Variants in NR3C2 observed in about 807,000 individuals in gnomAD.
NR3C2 encodes the protein mineralocorticoid receptor.
In NR3C2, 15 loss-of-function variants were observed where a neutral mutation model predicts 86.4. The ratio of observed to expected loss-of-function variants is 0.17; its 90% CI spans 0.12 to 0.27. The LOEUF (loss-of-function observed/expected upper bound fraction) is 0.27, where lower values mean the gene tolerates loss of function less well. Among genes scored for constraint, NR3C2 ranks in the 10% least tolerant of loss-of-function variants. The pLI is 1.00. For synonymous variants in NR3C2, 458 were observed against 450.5 expected (o/e 1.02, Z -0.21); for missense variants, 960 against 1,195.6 (o/e 0.80, Z 2.91).
chr4:148,393,048 C>T (rs1747672170), intron 2 of NR3C2, among the ~76,000 whole-genome samples: 1 of 152,076 alleles, frequency 6.6e-6, no homozygotes, highest in African/African-American at 2.4e-5. Flanking sequence ...GTAATAAATG[C>T]TGAAGTTTTG....
In NR3C2 at chr4:148,081,028, T is replaced by TAAAACTTCTTCCATCTGTGAAA. The variant is rs577532367; in HGVS notation, c.*294_*315dup. The TAAAACTTCTTCCATCTGTGAAA allele has an allele frequency of 2.0e-4, 79 of 399,718 alleles. 1 individual carries two copies. The East Asian group carries it at 4.3e-3, about 22-fold the overall frequency. 24.8% of individuals were successfully genotyped at this position (399,718 alleles called of 1,614,324 possible). A position where few individuals can be genotyped will look rare whatever the true frequency, so the allele number is the denominator to read the frequency against. ...GATACCAGAAACTACACGGCATAGT[T>TAAAACTTCTTCCATCTGTGAAA]AAAACTTCTTCCATCTGTGAAAATA... On this transcript the variant is annotated 3_prime_UTR_variant, in exon 9 of 9. Transcript: ENST00000358102.
At chr4:148,225,152 G>T (rs752881777) in intron 3 of NR3C2, among the ~76,000 whole-genome samples, 15 of 152,090 alleles carry the variant, frequency 9.9e-5, no homozygotes. Context: ...AGGCCTCCTG[G>T]CTTAACTAGA....
intron 2 of NR3C2, among the ~76,000 whole-genome samples, chr4:148,278,403 A>AATC (rs1439585895): frequency 4.6e-5 from 7 of 152,082 alleles, no homozygotes; most frequent in African/African-American, 1.7e-4. Flanking sequence ...CCCAGCCCAG[A>AATC]ATCACGTTTT....
chr4:148,149,805 T>G (rs1018750370), intron 6 of NR3C2, among the ~76,000 whole-genome samples: 15 of 152,198 alleles, frequency 9.9e-5, no homozygotes, highest in Admixed American at 7.9e-4. Flanking sequence ...TATGAAAACA[T>G]GTCCAACATC....
chr4:148,352,499 C>A (rs955710063), intron 2 of NR3C2, among the ~76,000 whole-genome samples: 2 of 151,944 alleles, frequency 1.3e-5, no homozygotes, highest in African/African-American at 4.8e-5. Context: ...TGCAAACTCA[C>A]CGCAGGCTGC....
intron 2 of NR3C2, among the ~76,000 whole-genome samples, chr4:148,338,342 T>C (rs1744591499): frequency 6.6e-6 from 1 of 152,164 alleles, no homozygotes. Context: ...AGACAGATAA[T>C]CAATGGTAAA....
intron 2 of NR3C2, among the ~76,000 whole-genome samples, chr4:148,350,050 T>A (rs1222798814): frequency 6.6e-6 from 1 of 152,194 alleles, no homozygotes; most frequent in Non-Finnish European, 1.5e-5. Flanking sequence ...AAACAAATGG[T>A]GCTTAGAAAG....
chr4:148,439,406 C>T (rs573045494), intron 1 of NR3C2, among the ~76,000 whole-genome samples: 18 of 152,248 alleles, frequency 1.2e-4, no homozygotes, highest in East Asian at 3.9e-4. Context: ...AATTCACATT[C>T]GCTCTCTTGG....
At chr4:148,443,346 G>T (rs1049454177), upstream of NR3C2, among the ~76,000 whole-genome samples, 13 of 144,214 alleles carry the variant, frequency 9.0e-5, no homozygotes, top group African/African-American at 3.1e-4. Flanking sequence ...TACTACTTTA[G>T]TATTGGATTT....
At chr4:148,111,577 A>C (rs555293072) in intron 8 of NR3C2, among the ~76,000 whole-genome samples, 1 of 152,366 alleles carries the variant, frequency 6.6e-6, no homozygotes, top group East Asian at 1.9e-4. Context: ...AACAACCCAA[A>C]CAACCATCAA....
rs1560909481 is a variant in NR3C2, at chr4:148,080,876, ATTTTTTTGTG to A, written c.*458_*467del. The A allele has an allele frequency of 2.8e-6, 1 of 363,338 alleles. No individual in the cohort carries two copies. The highest frequency in any genetic ancestry group is 3.4e-5 in the Admixed American group (1 of 29,140). 22.5% of individuals were successfully genotyped at this position (363,338 alleles called of 1,614,324 possible). A position where few individuals can be genotyped will look rare whatever the true frequency, so the allele number is the denominator to read the frequency against. ...AGGAATCTGTATATATTTTTTTATT[ATTTTTTTGTG>A]TTTTTTTAATAACAAAAGAATATTA... On this transcript the variant is annotated 3_prime_UTR_variant, in exon 9 of 9. Coordinates refer to ENST00000358102, the MANE Select transcript of NR3C2 (RefSeq NM_000901.5).
At chr4:148,270,403 TC>T (rs890108219) in intron 2 of NR3C2, among the ~76,000 whole-genome samples, 2 of 152,154 alleles carry the variant, frequency 1.3e-5, no homozygotes, top group Admixed American at 6.5e-5. Context: ...TAAAAGGATA[TC>T]TTTTATTATT....
At chr4:148,385,107 C>T (rs1208330778) in intron 2 of NR3C2, among the ~76,000 whole-genome samples, 1 of 152,162 alleles carries the variant, frequency 6.6e-6, no homozygotes, top group African/African-American at 2.4e-5. Context: ...AGCATCATGG[C>T]TAAGGAGATC....
chr4:148,324,383 G>A (rs1276069614), intron 2 of NR3C2, among the ~76,000 whole-genome samples: 1 of 150,390 alleles, frequency 6.6e-6, no homozygotes, highest in Non-Finnish European at 1.5e-5. Context: ...GTGTGTTCCT[G>A]TGTGTATGTG....
At chr4:148,188,131 T>A (rs1432683164) in intron 4 of NR3C2, among the ~76,000 whole-genome samples, 1 of 152,234 alleles carries the variant, frequency 6.6e-6, no homozygotes, top group Non-Finnish European at 1.5e-5. Flanking sequence ...TACAGTATAG[T>A]TTGAAATCAG....
chr4:148,155,744 G>A (rs7438145), intron 4 of NR3C2, among the ~76,000 whole-genome samples: 55,512 of 145,840 alleles, frequency 0.38, 10,871 homozygotes, highest in East Asian at 0.5. Context: ...CTTTCTTCAC[G>A]GAATTGGAAA....
chr4:148,325,572 G>A (rs1206845770), intron 2 of NR3C2, among the ~76,000 whole-genome samples: 1 of 152,124 alleles, frequency 6.6e-6, no homozygotes, highest in East Asian at 1.9e-4. Flanking sequence ...TGACAGTAGA[G>A]GTATTTCATA....
At chr4:148,411,561 T>C (rs1024638490) in intron 2 of NR3C2, among the ~76,000 whole-genome samples, 3 of 152,220 alleles carry the variant, frequency 2.0e-5, no homozygotes, top group Non-Finnish European at 2.9e-5. Context: ...TATGTGGTTT[T>C]AGATTTTTAT....
intron 2 of NR3C2, among the ~76,000 whole-genome samples, chr4:148,388,883 A>T (rs17024678): frequency 9.8e-4 from 149 of 152,318 alleles, no homozygotes; most frequent in African/African-American, 3.5e-3. Context: ...GACCTGGGTA[A>T]CATCTATCCA....
Sources: gnomAD v4.1 joint callset for allele counts (sites outside exome capture counted in the v4.1 genomes callset) on GRCh38, gnomAD v4.1.1 for gene constraint, MANE v1.5 for transcripts, NCBI Gene and HGNC (gene_info 2026-07-23, HGNC 2026-07-21) for gene names.